Variants in CEMIP2 observed in about 807,000 individuals in gnomAD.
CEMIP2 encodes the protein cell surface hyaluronidase CEMIP2.
CEMIP2 carries 79 observed loss-of-function variants against 146.9 expected under a neutral mutation model. The ratio of observed to expected loss-of-function variants is 0.54; its 90% confidence interval spans 0.45 to 0.65. The LOEUF (loss-of-function observed/expected upper bound fraction) is 0.65. Ranked by LOEUF, CEMIP2 falls within the 30% of genes least tolerant of loss-of-function variation. CEMIP2 has a pLI of 0.00. For synonymous variants in CEMIP2, 601 were observed against 606.3 expected (o/e 0.99, Z 0.13); for missense variants, 1,596 against 1,696.2 (o/e 0.94, Z 1.04).
At chr9:71,747,710 T>C (rs1399363513) in intron 2 of CEMIP2, among the ~76,000 whole-genome samples, 2 of 151,934 alleles carry the variant, frequency 1.3e-5, no homozygotes, top group Non-Finnish European at 2.9e-5. Context: ...TATTGTTCTA[T>C]ACAGAAAAAA....
chr9:71,712,090 C>A lies in CEMIP2; in HGVS notation c.2762G>T (p.Gly921Val). ...ACTACAGAACATACTTACATGTGGACCAAACTTCACGAGGGAGATATTATT... is the reference window on the plus strand; with the variant it reads ...ACTACAGAACATACTTACATGTGGAACAAACTTCACGAGGGAGATATTATT... ...PRNNISLVKF[G>V]PHVSLNVFFG... The change falls in exon 16 of 24, where the codon GGT becomes GTT. Residue 921 changes from glycine to valine, a missense_variant. Gly to Val is a moderately radical substitution (Grantham distance 109). Transcript: ENST00000377044. 1 of 1,613,856 alleles carries A rather than the reference C, an allele frequency of 6.2e-7. No individual in the cohort carries two copies. The highest frequency in any genetic ancestry group is 8.5e-7 in the Non-Finnish European group (1 of 1,179,906).
chr9:71,711,429 A>T (rs1356149354), intron 16 of CEMIP2, among the ~76,000 whole-genome samples: 1 of 151,240 alleles, frequency 6.6e-6, no homozygotes, highest in Non-Finnish European at 1.5e-5. Flanking sequence ...AAGTAGCCAG[A>T]TGTGGTGGCA....
chr9:71,728,271 A>C (rs1589149366), intron 10 of CEMIP2, among the ~76,000 whole-genome samples: 1 of 11,272 alleles, frequency 8.9e-5, no homozygotes, highest in African/African-American at 1.6e-4. Context: ...GTATATATAT[A>C]TATATATATG....
intron 4 of CEMIP2, among the ~76,000 whole-genome samples, chr9:71,741,121 C>T (rs1823901508): frequency 6.6e-6 from 1 of 151,366 alleles, no homozygotes. Flanking sequence ...ATCTAAGGTG[C>T]ACCCTAGGTG....
rs751646051 is a variant in CEMIP2 at position 71,690,155 on chromosome 9, G to A, written c.3788C>T (p.Thr1263Met). ...CSVPFRLTEK[T>M]VFPLADVSRI... ...ACTGACATCAGCAAGAGGAAAAACC[G>A]TTTTTTCCGTCAAGCGGAATGGAAC... The change falls in exon 22 of 24, where the codon ACG becomes ATG. Residue 1263 changes from threonine to methionine, a missense_variant. Physicochemically the swap from Thr to Met is moderately conservative, Grantham distance 81. Coordinates refer to ENST00000377044, the MANE Select transcript of CEMIP2 (RefSeq NM_013390.3). The A allele has an allele frequency of 2.2e-5, 35 of 1,614,148 alleles. No individual in the cohort carries two copies. The East Asian group carries it at 2.9e-4, about 13-fold the overall frequency.
In CEMIP2 at chr9:71,745,552, T is replaced by C. The variant is rs762057376; in HGVS notation, c.500A>G (p.Asp167Gly). 6.2e-7 allele frequency: 1 copy of C among 1,609,054 alleles called. No individual in the cohort carries two copies. The highest frequency in any genetic ancestry group is 8.5e-7 in the Non-Finnish European group (1 of 1,178,404). ...GGLLVFGDNK[D>G]GSRNITLRTH... ...CCTCAAAGTAATATTTCTGGATCCATCTTTATTGTCCCCAAATACAAGCAG... is the reference window on the plus strand; with the variant it reads ...CCTCAAAGTAATATTTCTGGATCCACCTTTATTGTCCCCAAATACAAGCAG... The change falls in exon 4 of 24, where the codon GAT (aspartate) becomes GGT (glycine). Residue 167 changes from aspartate (D) to glycine (G), a missense_variant. Transcript: ENST00000377044.
rs766005010 is a variant in CEMIP2, at chr9:71,704,799, T to A, written c.2990A>T (p.Tyr997Phe). Residue 997 changes from tyrosine (Y) to phenylalanine (F), a missense_variant, in exon 18 of 24, where the codon TAT (tyrosine) becomes TTT (phenylalanine). Transcript: ENST00000377044. Reference protein sequence around the residue: ...VICSGTYAQVYVQTWSTQNLS... With the variant: ...VICSGTYAQVFVQTWSTQNLS... ...ATTCTGAGTGCTCCATGTCTGTACA[T>A]AGACCTTGAAAAAATAATCAAGAAG... 1.2e-6 allele frequency: 2 copies of A among 1,612,720 alleles called. No individual in the cohort carries two copies. Among genetic ancestry groups the A allele is most frequent in the African/African-American group, 2.7e-5 (2 of 74,856 alleles).
At position 71,712,257 on chromosome 9, in the gene CEMIP2, C is replaced by T. The variant is rs371354260; in HGVS notation, c.2595G>A (p.Thr865=). ...QKPRTLPRNR[T]FPIRGFQIYD... ...AAATCTGAAAGCCTCTAATTGGGAA[C>T]GTCCTGTGGAAATACAAGATTTTGT... is the stretch of plus-strand genomic sequence containing the variant. The change falls in exon 16 of 24, where the codon ACG becomes ACA. Residue 865 remains threonine, a synonymous_variant. Transcript: ENST00000377044. 9.3e-6 allele frequency: 15 copies of T among 1,613,446 alleles called. No individual in the cohort carries two copies. The African/African-American group carries it at 9.4e-5, about 10-fold the overall frequency.
rs1554684626 is a variant in CEMIP2 at position 71,728,231 on chromosome 9, C to CTCTA, written c.2049+1613_2049+1614insTAGA. Among the ~76,000 whole-genome samples, 30 of 14,772 alleles carry CTCTA rather than the reference C, an allele frequency of 2.0e-3. 2 individuals are homozygous for CTCTA. Among genetic ancestry groups the CTCTA allele is most frequent in the African/African-American group, 2.9e-3 (13 of 4,408 alleles). 9.7% of individuals were successfully genotyped at this position (14,772 alleles called of 152,430 possible). A position where few individuals can be genotyped will look rare whatever the true frequency, so the allele number is the denominator to read the frequency against. On this transcript the variant is annotated intron_variant, in intron 10 of 23. Transcript: ENST00000377044. ...TCTCTCTCTCTCTCTCTCTCTCTCT[C>CTCTA]TATATATATATATATATATGTATAT...
chr9:71,729,387 A>C (rs752139028), intron 10 of CEMIP2, among the ~76,000 whole-genome samples: 17 of 152,128 alleles, frequency 1.1e-4, no homozygotes, highest in Non-Finnish European at 2.5e-4. Context: ...TGGGAGGCCA[A>C]GGCAGGCAGA....
At chr9:71,741,185 ATTTTTTTTTTTTT>A (rs79872255) in intron 4 of CEMIP2, among the ~76,000 whole-genome samples, 3 of 72,206 alleles carry the variant, frequency 4.2e-5, no homozygotes, top group Admixed American at 1.8e-4. Context: ...ACTGAGTTAG[ATTTTTTTTTTTTT>A]TTTTTTTTTT....
intron 10 of CEMIP2, among the ~76,000 whole-genome samples, chr9:71,728,230 T>TATATATATATGTATATA: frequency 4.8e-5 from 1 of 20,668 alleles, no homozygotes; most frequent in African/African-American, 1.0e-4. Context: ...TCTCTCTCTC[T>TATATATATATGTATATA]CTATATATAT....
At chr9:71,751,385 G>A (rs142227963) in intron 1 of CEMIP2, among the ~76,000 whole-genome samples, 52 of 152,260 alleles carry the variant, frequency 3.4e-4, no homozygotes, top group African/African-American at 1.2e-3. Flanking sequence ...CTCAACCCTG[G>A]CTGCATAGTG....
rs145444586 is a variant in CEMIP2 at position 71,703,010 on chromosome 9, T to C, written c.3194+1585A>G. Among the ~76,000 whole-genome samples the C allele has an allele frequency of 4.6e-5, 7 of 152,346 alleles. No individual in the cohort carries two copies. The East Asian group carries it at 9.6e-4, about 21-fold the overall frequency. On this transcript the variant is annotated intron_variant, in intron 18 of 23. Coordinates refer to ENST00000377044, the MANE Select transcript of CEMIP2 (RefSeq NM_013390.3). Reference sequence around the variant, plus strand: ...GACATTTCTCCATCCTCTCTGACAATTGTTTGTTTCTTTCATTGACTTCTC... The same window carrying C: ...GACATTTCTCCATCCTCTCTGACAACTGTTTGTTTCTTTCATTGACTTCTC...
At chr9:71,732,600 A>G in intron 6 of CEMIP2, 80 bp from the exon 7 acceptor site, 1 of 1,318,788 alleles carries the variant, frequency 7.6e-7, no homozygotes, top group Non-Finnish European at 9.9e-7. Flanking sequence ...CATTCTCTTC[A>G]TTCCATAACC....
intron 20 of CEMIP2, among the ~76,000 whole-genome samples, chr9:71,696,867 A>T (rs901585412): frequency 6.9e-6 from 1 of 144,802 alleles, no homozygotes; most frequent in African/African-American, 2.4e-5. Flanking sequence ...TACTGCCATG[A>T]ATGGATATAA....
chr9:71,715,731 G>A (rs1280478435), intron 14 of CEMIP2, among the ~76,000 whole-genome samples: 1 of 148,688 alleles, frequency 6.7e-6, no homozygotes, highest in Non-Finnish European at 1.5e-5. Flanking sequence ...ACAGGATACT[G>A]CCATCTCAGC....
At position 71,728,295 on chromosome 9, in the gene CEMIP2, A is replaced by G. The variant is rs1422515138; in HGVS notation, c.2049+1550T>C. 6.9e-5 allele frequency among the ~76,000 whole-genome samples: 3 copies of G among 43,232 alleles called. 1 individual carries two copies. Among genetic ancestry groups the G allele is most frequent in the African/African-American group, 2.6e-4 (3 of 11,346 alleles). The allele number at this position is 43,232 out of a possible 152,430, so 28.4% of individuals were successfully genotyped here. A position where few individuals can be genotyped will look rare whatever the true frequency, so the allele number is the denominator to read the frequency against. On this transcript the variant is annotated intron_variant, in intron 10 of 23. Transcript: ENST00000377044. ...TATATATATATGTATATATATATATATATATACATATATATATATATACGT... is the reference window on the plus strand; with the variant it reads ...TATATATATATGTATATATATATATGTATATACATATATATATATATACGT...
chr9:71,727,919 G>A (rs953414335), intron 10 of CEMIP2, among the ~76,000 whole-genome samples: 18 of 152,168 alleles, frequency 1.2e-4, no homozygotes, highest in African/African-American at 4.1e-4. Flanking sequence ...AAATTAGCCA[G>A]CCGTGGTGGC....
Sources: gnomAD v4.1 joint callset for allele counts (sites outside exome capture counted in the v4.1 genomes callset) on GRCh38, gnomAD v4.1.1 for gene constraint, MANE v1.5 for transcripts, NCBI Gene and HGNC (gene_info 2026-07-23, HGNC 2026-07-21) for gene names.